RAD52: variants seen among roughly 807,000 people sequenced by gnomAD.
The protein encoded by RAD52 is RAD52 DNA repair protein.
A neutral mutation model predicts 55.5 loss-of-function variants in RAD52; 47 were observed. The ratio of observed to expected loss-of-function variants is 0.85; its 90% confidence interval spans 0.67 to 1.08. The LOEUF (loss-of-function observed/expected upper bound fraction) is 1.08. RAD52 is among the 50% of genes least tolerant of loss of function. The pLI, the probability that RAD52 is intolerant of heterozygous loss-of-function variation, is 0.00. For missense variants in RAD52, 468 were observed against 522.8 expected (o/e 0.90, Z 1.02); for synonymous variants, 184 against 198.9 (o/e 0.92, Z 0.63).
chr12:951,770 T>C (rs1285473828), upstream of RAD52, among the ~76,000 whole-genome samples: 1 of 151,632 alleles, frequency 6.6e-6, no homozygotes, highest in Non-Finnish European at 1.5e-5. Flanking sequence ...TTTTCTTTCT[T>C]TTTGTTTCTT....
At chr12:988,316 C>T (rs536649413) in intron 1 of RAD52, among the ~76,000 whole-genome samples, 2 of 152,206 alleles carry the variant, frequency 1.3e-5, no homozygotes, top group East Asian at 1.9e-4. Context: ...ATCTGAGTAT[C>T]CTAGTATACT....
In RAD52 at chr12:925,397, C is replaced by CA. The variant is rs879705768; in HGVS notation, c.543+52dup. ...CATCCTCCAAATACTCAACCCATGA[C>CA]ACACAAGAGTTTGCCGCATTATCTT... is the stretch of plus-strand genomic sequence containing the variant. On this transcript the variant is annotated intron_variant, in intron 7 of 11. Transcript: ENST00000358495. The CA allele has an allele frequency of 3.1e-4, 448 of 1,448,484 alleles. 3 individuals are homozygous for CA. The highest frequency in any genetic ancestry group is 8.7e-4 in the Middle Eastern group (5 of 5,754). 89.7% of individuals were successfully genotyped at this position (1,448,484 alleles called of 1,614,324 possible).
At chr12:963,780 A>G (rs1241973753) in intron 1 of RAD52, among the ~76,000 whole-genome samples, 1 of 152,066 alleles carries the variant, frequency 6.6e-6, no homozygotes, top group African/African-American at 2.4e-5. Flanking sequence ...TTTATCATTA[A>G]ATACTCTTGG....
At position 930,058 on chromosome 12, in the gene RAD52, C is replaced by T. The variant is rs773669287; in HGVS notation, c.273G>A (p.Gln91=). The stretch of plus-strand genomic sequence containing the variant: ...GCTGGAGAGCATACTCACCCACATT[C>T]TGCTGCGTGATGGAGTGTGCCCAGC... ...YNGWAHSITQ[Q]NVDFVDLNNG... is the part of the protein sequence containing the mutation. Residue 91 remains glutamine (Q), a synonymous_variant, in exon 4 of 12, where the codon CAG becomes CAA. Coordinates refer to ENST00000358495, the MANE Select transcript of RAD52 (RefSeq NM_134424.4). 8.1e-6 allele frequency: 13 copies of T among 1,613,282 alleles called. No individual in the cohort carries two copies. Among genetic ancestry groups the T allele is most frequent in the Middle Eastern group, 1.6e-4 (1 of 6,084 alleles).
upstream of RAD52, among the ~76,000 whole-genome samples, chr12:952,774 C>G (rs1958546845): frequency 6.7e-6 from 1 of 149,104 alleles, no homozygotes; most frequent in Admixed American, 6.8e-5. Context: ...TGCCTGTAAT[C>G]CCAGCTACTT....
intron 5 of RAD52, chr12:929,585 T>C (rs1029106591): frequency 1.8e-5 from 13 of 725,412 alleles, no homozygotes; most frequent in Non-Finnish European, 3.3e-5. Context: ...CAACAATTTT[T>C]ATATATGGTG....
upstream of RAD52, among the ~76,000 whole-genome samples, chr12:950,796 T>C (rs1219288878): frequency 1.3e-5 from 2 of 152,136 alleles, no homozygotes; most frequent in East Asian, 3.8e-4. Context: ...TTATTAACTA[T>C]AGTCACTATG....
At chr12:918,943 A>G (rs888448045) in intron 7 of RAD52, among the ~76,000 whole-genome samples, 4 of 152,216 alleles carry the variant, frequency 2.6e-5, no homozygotes, top group Admixed American at 2.6e-4. Context: ...TAAAATATGA[A>G]CTGTACAATT....
chr12:987,507 T>G (rs1029987448), intron 1 of RAD52, among the ~76,000 whole-genome samples: 10 of 152,004 alleles, frequency 6.6e-5, no homozygotes, highest in Non-Finnish European at 1.3e-4. Context: ...GTTGAACTAA[T>G]TCTTTATCTT....
chr12:970,194 C>T (rs532131008), intron 1 of RAD52, among the ~76,000 whole-genome samples: 1 of 151,864 alleles, frequency 6.6e-6, no homozygotes, highest in African/African-American at 2.4e-5. Context: ...GTGATCCCAG[C>T]TACCTGGGTG....
intron 6 of RAD52, among the ~76,000 whole-genome samples, chr12:926,418 C>T (rs1592357250): frequency 6.6e-6 from 1 of 151,990 alleles, no homozygotes; most frequent in East Asian, 1.9e-4. Context: ...GCGGGAAGAT[C>T]ACTTCAGCCC....
At chr12:977,744 G>A (rs180851535) in intron 1 of RAD52, among the ~76,000 whole-genome samples, 2 of 152,330 alleles carry the variant, frequency 1.3e-5, no homozygotes, top group African/African-American at 4.8e-5. Context: ...GGGAATGTTG[G>A]GGAGCTCAGG....
At chr12:953,684 A>G (rs562188587), upstream of RAD52, among the ~76,000 whole-genome samples, 48 of 152,334 alleles carry the variant, frequency 3.2e-4, no homozygotes, top group South Asian at 9.3e-3. Flanking sequence ...TAAGCCACCC[A>G]GTTGTGGTAA....
chr12:933,129 T>C (rs1957427759), intron 1 of RAD52, 53 bp from the exon 2 acceptor site: 4 of 1,317,606 alleles, frequency 3.0e-6, no homozygotes, highest in Non-Finnish European at 4.3e-6. Context: ...ATGTTTAAAG[T>C]AAAAGGCAAG....
Position 972,049 on chromosome 12 carries a change from G to T in RAD52, c.-19+17760C>A, listed in dbSNP as rs563703148. Among the ~76,000 whole-genome samples the T allele has an allele frequency of 1.4e-3, 216 of 152,326 alleles. 1 individual carries two copies. The highest frequency in any genetic ancestry group is 5.1e-3 in the African/African-American group (212 of 41,572). On this transcript the variant is annotated intron_variant, in intron 1 of 11. Transcript: ENST00000430095. Reference sequence around the variant, plus strand: ...TTGATTTAATAATCTCATTTTGGGAGTAGGTAGAGGGGAATTAATCACAAA... The same window carrying T: ...TTGATTTAATAATCTCATTTTGGGATTAGGTAGAGGGGAATTAATCACAAA...
At chr12:913,507 C>T (rs1956203308) in intron 11 of RAD52, 55 bp from the exon 12 acceptor site, 2 of 1,272,620 alleles carry the variant, frequency 1.6e-6, no homozygotes, top group East Asian at 4.6e-5. Flanking sequence ...AATAAACTGA[C>T]AGCTAATGAT....
At chr12:965,749 G>C (rs1028577385) in intron 1 of RAD52, among the ~76,000 whole-genome samples, 1 of 151,688 alleles carries the variant, frequency 6.6e-6, no homozygotes, top group African/African-American at 2.4e-5. Context: ...GCACTGTCTC[G>C]ATCTCAGAAC....
At position 929,757 on chromosome 12, in the gene RAD52, T is replaced by C. The variant is rs142399100; in HGVS notation, c.348+62A>G. The C allele has an allele frequency of 1.1e-3, 1,626 of 1,504,612 alleles. 13 individuals are homozygous for C. The highest frequency in any genetic ancestry group is 5.8e-3 in the South Asian group (513 of 88,764). The allele number at this position is 1,504,612 out of a possible 1,614,324, so 93.2% of individuals were successfully genotyped here. A position where few individuals can be genotyped will look rare whatever the true frequency, so the allele number is the denominator to read the frequency against. On this transcript the variant is annotated intron_variant, in intron 5 of 11. Coordinates refer to ENST00000358495, the MANE Select transcript of RAD52 (RefSeq NM_134424.4). ...CCGTCCAGCTACCTACTTCCCTACC[T>C]GCTCACCTTCTCCTACCACCCACTG...
rs889194359 is a variant in RAD52, at chr12:961,224, C to T, written c.-18-28148G>A. On this transcript the variant is annotated intron_variant, in intron 1 of 11. Transcript: ENST00000430095. ...ACTTGGGAGGCTGAGGCAGGAGAAT[C>T]GCTTGAACCTGGGAGGCAGAGGTTG... 2.8e-5 allele frequency among the ~76,000 whole-genome samples: 4 copies of T among 144,192 alleles called. No homozygotes were observed. In the East Asian group the frequency reaches 6.5e-4, roughly 23 times the overall value. 94.6% of individuals were successfully genotyped at this position (144,192 alleles called of 152,430 possible).
Sources: allele counts gnomAD v4.1 joint callset (sites outside exome capture counted in the v4.1 genomes callset), GRCh38; gene constraint gnomAD v4.1.1; transcripts MANE v1.5; gene names NCBI Gene and HGNC (gene_info 2026-07-23, HGNC 2026-07-21).